NMRK1: variants seen among roughly 807,000 people sequenced by gnomAD.
The protein encoded by NMRK1 is nicotinamide riboside kinase 1.
Under a neutral mutation model 29.9 loss-of-function variants are expected in NMRK1, and 28 were observed. The observed-to-expected ratio is 0.94, with a 90% CI of 0.69 to 1.28. NMRK1 has a LOEUF of 1.28. NMRK1 is among the 50% of genes most tolerant of loss of function. The probability of loss-of-function intolerance (pLI) is 0.00; values close to 1 mark genes in which losing one functional copy is unlikely to be tolerated. For synonymous variants in NMRK1, 58 were observed against 73.0 expected (o/e 0.79, Z 1.05); for missense variants, 218 against 233.1 (o/e 0.94, Z 0.42).
intron 2 of NMRK1, among the ~76,000 whole-genome samples, chr9:75,080,584 G>A (rs546848447): frequency 3.9e-5 from 6 of 152,218 alleles, no homozygotes; most frequent in East Asian, 1.9e-4. Context: ...CCCAGGAGGC[G>A]GAGGCTGCAG....
At chr9:75,077,835 C>T (rs1378496124) in intron 2 of NMRK1, among the ~76,000 whole-genome samples, 1 of 152,028 alleles carries the variant, frequency 6.6e-6, no homozygotes, top group Non-Finnish European at 1.5e-5. Flanking sequence ...GGGGTTTCGC[C>T]ATGTTAGACA....
chr9:75,083,447 T>C (rs756228002), intron 1 of NMRK1, among the ~76,000 whole-genome samples: 70 of 152,360 alleles, frequency 4.6e-4, no homozygotes, highest in South Asian at 8.3e-4. Context: ...CAGCGTGGTA[T>C]ATGAAGTTTC....
intron 3 of NMRK1, 95 bp downstream of exon 3, chr9:75,077,395 A>T (rs1209524480): frequency 4.9e-6 from 5 of 1,016,144 alleles, no homozygotes; most frequent in Non-Finnish European, 7.5e-6. Flanking sequence ...ACAAAACGTA[A>T]ATCTCTAGCC....
chr9:75,063,963 T>A (rs571804796), intron 8 of NMRK1, among the ~76,000 whole-genome samples: 1 of 112,190 alleles, frequency 8.9e-6, no homozygotes, highest in African/African-American at 2.7e-5. Flanking sequence ...CTCTTTTAAG[T>A]TTTTTTTTTA....
chr9:75,078,157 G>A (rs1446473503), intron 2 of NMRK1, among the ~76,000 whole-genome samples: 1 of 152,144 alleles, frequency 6.6e-6, no homozygotes, highest in Non-Finnish European at 1.5e-5. Context: ...TGTGTTGGAA[G>A]CAAAATTTTT....
chr9:75,082,904 A>G (rs1824399429), intron 2 of NMRK1, 183 bp downstream of exon 2: 1 of 582,832 alleles, frequency 1.7e-6, no homozygotes. Flanking sequence ...CTGTTTATAG[A>G]AAACTCTTCC....
intron 6 of NMRK1, 140 bp from the exon 7 acceptor site, chr9:75,069,242 C>T: frequency 1.7e-6 from 1 of 583,516 alleles, no homozygotes. Context: ...CATGTTTTAA[C>T]TCAATGGCAG....
chr9:75,067,457 G>T (rs1164204174), intron 7 of NMRK1, among the ~76,000 whole-genome samples: 1 of 152,136 alleles, frequency 6.6e-6, no homozygotes, highest in African/African-American at 2.4e-5. Context: ...AGGGCCTTCT[G>T]GTCAGAAAAC....
rs769549155 is a variant in NMRK1 at position 75,077,592 on chromosome 9, A to G, written c.30-12T>C. Reference sequence around the variant, plus strand: ...CACTGTTTGTCACACTGAAGCAAAGAAAAAAGAAAGTACCAAGAAGGAAAA... The same window carrying G: ...CACTGTTTGTCACACTGAAGCAAAGGAAAAAGAAAGTACCAAGAAGGAAAA... On this transcript the variant is annotated splice_polypyrimidine_tract_variant and intron_variant, in intron 2 of 8. Transcript: ENST00000361092. 17 of 1,598,498 alleles carry G rather than the reference A, an allele frequency of 1.1e-5. No homozygotes were observed. Among genetic ancestry groups the G allele is most frequent in the Middle Eastern group, 1.7e-4 (1 of 6,018 alleles).
At chr9:75,066,139 A>G (rs1419162699) in intron 8 of NMRK1, 1 of 366,558 alleles carries the variant, frequency 2.7e-6, no homozygotes, top group South Asian at 2.2e-5. Context: ...TAGGATATAA[A>G]TAACTCCTAC....
intron 2 of NMRK1, 135 bp downstream of exon 2, chr9:75,082,952 A>G: frequency 1.5e-6 from 1 of 686,914 alleles, no homozygotes; most frequent in Non-Finnish European, 2.6e-6. Context: ...TGCTCCACTG[A>G]TATTCCACAG....
chr9:75,083,491 AC>A (rs1181260440), intron 1 of NMRK1, among the ~76,000 whole-genome samples: 1 of 152,136 alleles, frequency 6.6e-6, no homozygotes, highest in Non-Finnish European at 1.5e-5. Flanking sequence ...TTCCACCTTC[AC>A]GATTCAGTCG....
chr9:75,068,945 G>C, intron 7 of NMRK1, 51 bp downstream of exon 7: 1 of 1,250,368 alleles, frequency 8.0e-7, no homozygotes. Context: ...TCTATACTTT[G>C]AGGCAAATGA....
intron 8 of NMRK1, chr9:75,066,373 A>G (rs145611637): frequency 4.5e-6 from 2 of 447,054 alleles, no homozygotes; most frequent in Admixed American, 2.6e-5. Context: ...TAGAAATTTT[A>G]CAGAAAGTCT....
At chr9:75,075,684 A>C (rs1457895819) in intron 4 of NMRK1, among the ~76,000 whole-genome samples, 1 of 152,194 alleles carries the variant, frequency 6.6e-6, no homozygotes, top group East Asian at 1.9e-4. Context: ...GCTTGGAGTA[A>C]GGAATGAGGA....
Position 75,085,726 on chromosome 9 carries a change from G to GTTT in NMRK1, c.-36+2279_-36+2281dup, listed in dbSNP as rs58741153. ...ATCTCTCAGATACAGTCAAATGTAA[G>GTTT]TTTTTTTTTTTTTTTTTTTTTTTTT... On this transcript the variant is annotated intron_variant, in intron 1 of 8. Transcript: ENST00000361092. 8.5e-3 allele frequency among the ~76,000 whole-genome samples: 724 copies of GTTT among 85,104 alleles called. 15 individuals are homozygous for GTTT. Among genetic ancestry groups the GTTT allele is most frequent in the South Asian group, 0.026 (56 of 2,148 alleles). The allele number at this position is 85,104 out of a possible 152,430, so 55.8% of individuals were successfully genotyped here. A position where few individuals can be genotyped will look rare whatever the true frequency, so the allele number is the denominator to read the frequency against.
Position 75,084,023 on chromosome 9 carries a change from G to C in NMRK1, c.-35-873C>G, listed in dbSNP as rs553757953. 3.3e-3 allele frequency among the ~76,000 whole-genome samples: 505 copies of C among 152,254 alleles called. 2 individuals carry two copies. The highest frequency in any genetic ancestry group is 0.012 in the African/African-American group (487 of 41,536). On this transcript the variant is annotated intron_variant, in intron 1 of 8. Coordinates refer to ENST00000361092, the MANE Select transcript of NMRK1 (RefSeq NM_017881.3). ...AGGCAGAGGGCCAAGTTAAGCCACC[G>C]GCCACTGTTTTGTGGATTTTTGGTT...
chr9:75,080,664 C>T (rs1238451234), intron 2 of NMRK1, among the ~76,000 whole-genome samples: 1 of 152,114 alleles, frequency 6.6e-6, no homozygotes, highest in Non-Finnish European at 1.5e-5. Context: ...GAAATGTGAT[C>T]CCCAAGCTGG....
rs781546971 is a variant in NMRK1, at chr9:75,069,151, T to C, written c.390-49A>G. ...TATGTTGACAGAAACACACAATTGA[T>C]AAAGTAAAATATGAATGGTCAGGAT... is the stretch of plus-strand genomic sequence containing the variant. On this transcript the variant is annotated intron_variant, in intron 6 of 8. Transcript: ENST00000361092. 7 of 1,260,778 alleles carry C rather than the reference T, an allele frequency of 5.6e-6. No homozygotes were observed. In the African/African-American group the frequency reaches 8.8e-5, roughly 16 times the overall value. 78.1% of individuals were successfully genotyped at this position (1,260,778 alleles called of 1,614,324 possible).
Sources: allele counts gnomAD v4.1 joint callset (sites outside exome capture counted in the v4.1 genomes callset), GRCh38; gene constraint gnomAD v4.1.1; transcripts MANE v1.5; gene names NCBI Gene and HGNC (gene_info 2026-07-23, HGNC 2026-07-21).